Variants in CTIF observed in about 807,000 individuals in gnomAD.
The protein encoded by CTIF is CBP80/20-dependent translation initiation factor.
A neutral mutation model predicts 66.0 loss-of-function variants in CTIF; 21 were observed. The ratio of observed to expected loss-of-function variants is 0.32; its 90% CI spans 0.23 to 0.46. The LOEUF (loss-of-function observed/expected upper bound fraction) is 0.46, where lower values mean the gene tolerates loss of function less well. Ranked by LOEUF, CTIF falls within the 20% of genes least tolerant of loss-of-function variation. The pLI, the probability that CTIF is intolerant of heterozygous loss-of-function variation, is 1.00. For missense variants in CTIF, 739 were observed against 812.7 expected, an observed-to-expected ratio of 0.91 and a Z score of 1.10; for synonymous variants, 345 against 326.4, an observed-to-expected ratio of 1.06 and a Z score of -0.62.
At chr18:48,637,976 C>A (rs147560554) in intron 3 of CTIF, among the ~76,000 whole-genome samples, 117 of 152,228 alleles carry the variant, frequency 7.7e-4, no homozygotes, top group African/African-American at 2.7e-3. Context: ...GAAACTGAGT[C>A]CCACGGAGGT....
intron 9 of CTIF, among the ~76,000 whole-genome samples, chr18:48,791,301 C>A (rs889219540): frequency 1.3e-5 from 2 of 152,252 alleles, no homozygotes; most frequent in Admixed American, 6.5e-5. Context: ...GAATGGAAGA[C>A]CTAAGGCTCC....
At chr18:48,780,942 C>G (rs563130438) in intron 9 of CTIF, among the ~76,000 whole-genome samples, 30 of 152,328 alleles carry the variant, frequency 2.0e-4, no homozygotes, top group African/African-American at 7.0e-4. Context: ...CCCATCCCCT[C>G]CTAGCTGGCA....
At position 48,817,229 on chromosome 18, in the gene CTIF, C is replaced by T. The variant is rs756189401; in HGVS notation, c.1380C>T (p.Phe460=). 1.2e-6 allele frequency: 2 copies of T among 1,613,618 alleles called. No individual in the cohort carries two copies. The highest frequency in any genetic ancestry group is 3.3e-5 in the Admixed American group (2 of 60,012). Residue 460 remains phenylalanine, a synonymous_variant, in exon 10 of 12, where the codon TTC becomes TTT. Transcript: ENST00000256413. Reference sequence around the variant, plus strand: ...CTCTCATGCCTCCACAGAAGGACTTCACGGTGCGCGAGGAGCTGCAGCAGC... The same window carrying T: ...CTCTCATGCCTCCACAGAAGGACTTTACGGTGCGCGAGGAGCTGCAGCAGC... ...SLLLNMLQKD[F]TVREELQQQD...
intron 1 of CTIF, among the ~76,000 whole-genome samples, chr18:48,544,414 C>T (rs575770894): frequency 6.6e-6 from 1 of 152,330 alleles, no homozygotes; most frequent in African/African-American, 2.4e-5. Flanking sequence ...ACCCTGACTT[C>T]AGACTTCAGG....
chr18:48,720,636 C>T (rs887509658), intron 7 of CTIF, among the ~76,000 whole-genome samples: 3 of 152,172 alleles, frequency 2.0e-5, no homozygotes, highest in African/African-American at 4.8e-5. Context: ...TCCTCCCTCA[C>T]GCCCACCCCC....
intron 6 of CTIF, among the ~76,000 whole-genome samples, chr18:48,671,748 T>A (rs1175403046): frequency 6.6e-6 from 1 of 151,492 alleles, no homozygotes; most frequent in African/African-American, 2.4e-5. Context: ...GGGGTTCCAA[T>A]TGTATGTATT....
chr18:48,834,048 C>T (rs2068754158), intron 10 of CTIF, among the ~76,000 whole-genome samples: 1 of 152,274 alleles, frequency 6.6e-6, no homozygotes, highest in Middle Eastern at 3.4e-3. Context: ...CTCCCCTCCC[C>T]TCCCGTTCTC....
intron 9 of CTIF, among the ~76,000 whole-genome samples, chr18:48,773,390 A>G (rs1057106104): frequency 6.6e-6 from 1 of 152,182 alleles, no homozygotes; most frequent in African/African-American, 2.4e-5. Context: ...CTGAGCTGTG[A>G]TGGCAGGCCT....
At position 48,862,159 on chromosome 18, in the gene CTIF, A is replaced by C. The variant is rs964333265; in HGVS notation, c.*2600A>C. 9.2e-5 allele frequency: 14 copies of C among 152,076 alleles called. No individual in the cohort carries two copies. Among genetic ancestry groups the C allele is most frequent in the African/African-American group, 3.4e-4 (14 of 41,386 alleles). 9.4% of individuals were successfully genotyped at this position (152,076 alleles called of 1,614,324 possible). A position where few individuals can be genotyped will look rare whatever the true frequency, so the allele number is the denominator to read the frequency against. On this transcript the variant is annotated 3_prime_UTR_variant, in exon 12 of 12. Coordinates refer to ENST00000256413, the MANE Select transcript of CTIF (RefSeq NM_014772.3). ...ACTGCAGGACAGAAGTGGATGCCCC[A>C]CAGACCCTGGCCCCCTCCCCAAGTC... is the stretch of plus-strand genomic sequence containing the variant.
At chr18:48,766,700 C>T (rs1046500377) in intron 9 of CTIF, among the ~76,000 whole-genome samples, 4 of 152,202 alleles carry the variant, frequency 2.6e-5, no homozygotes, top group African/African-American at 9.6e-5. Context: ...CAAGAAATAC[C>T]TGCCAGGTGT....
chr18:48,674,922 A>G (rs1476060891), intron 6 of CTIF, among the ~76,000 whole-genome samples: 1 of 152,126 alleles, frequency 6.6e-6, no homozygotes, highest in Admixed American at 6.5e-5. Context: ...GTACGCTGGG[A>G]TAGGAGCTAG....
At chr18:48,697,535 G>A (rs924665959) in intron 6 of CTIF, among the ~76,000 whole-genome samples, 1 of 152,198 alleles carries the variant, frequency 6.6e-6, no homozygotes, top group East Asian at 1.9e-4. Context: ...GGAGGAGTGT[G>A]TGTTCAGGGA....
chr18:48,558,890 A>G (rs1448543962), intron 1 of CTIF, among the ~76,000 whole-genome samples: 1 of 152,254 alleles, frequency 6.6e-6, no homozygotes, highest in Non-Finnish European at 1.5e-5. Context: ...AAGTTAAGTA[A>G]GGGGTGTATT....
rs1354714701 is a variant in CTIF, at chr18:48,733,187, CTT to C, written c.584+21496_584+21497del. ...GGCACTCGGACACCTCTGTCACTAA[CTT>C]TTTCAAGTTTGTGGATTATAGATAA... On this transcript the variant is annotated intron_variant, in intron 7 of 11. Transcript: ENST00000256413. Among the ~76,000 whole-genome samples, 4 of 151,328 alleles carry C rather than the reference CTT, an allele frequency of 2.6e-5. No homozygotes were observed. In the East Asian group the frequency reaches 7.8e-4, roughly 29 times the overall value.
In CTIF at chr18:48,706,517, A is replaced by G. The variant is rs547552176; in HGVS notation, c.508-5102A>G. Among the ~76,000 whole-genome samples, 4 of 151,984 alleles carry G rather than the reference A, an allele frequency of 2.6e-5. No individual in the cohort carries two copies. In the South Asian group the frequency reaches 6.2e-4, roughly 24 times the overall value. On this transcript the variant is annotated intron_variant, in intron 6 of 11. Coordinates refer to ENST00000256413, the MANE Select transcript of CTIF (RefSeq NM_014772.3). ...CAGATTCAAGAATTATTATTTTTTT[A>G]TGGCTGTCATCACAGGGCAAGGCCT...
At chr18:48,556,525 G>C (rs2089025801) in intron 1 of CTIF, among the ~76,000 whole-genome samples, 1 of 152,174 alleles carries the variant, frequency 6.6e-6, no homozygotes, top group South Asian at 2.1e-4. Context: ...CTGGAGTGCT[G>C]AGAACTGGCT....
chr18:48,747,206 C>T (rs1005346141), intron 7 of CTIF, among the ~76,000 whole-genome samples: 13 of 152,304 alleles, frequency 8.5e-5, no homozygotes, highest in South Asian at 2.1e-4. Flanking sequence ...ATTCTTCATT[C>T]GTTAGCTCAA....
intron 9 of CTIF, among the ~76,000 whole-genome samples, chr18:48,772,535 A>G (rs1297071419): frequency 1.3e-5 from 2 of 151,978 alleles, no homozygotes; most frequent in Non-Finnish European, 2.9e-5. Flanking sequence ...CCTCCCCTCC[A>G]TCTTCCATCT....
intron 6 of CTIF, among the ~76,000 whole-genome samples, chr18:48,677,044 G>A (rs2091642301): frequency 6.6e-6 from 1 of 152,236 alleles, no homozygotes; most frequent in East Asian, 1.9e-4. Flanking sequence ...TGGGGTTGAA[G>A]CCTCTGTAGC....
Sources: allele counts gnomAD v4.1 joint callset (sites outside exome capture counted in the v4.1 genomes callset), GRCh38; gene constraint gnomAD v4.1.1; transcripts MANE v1.5; gene names NCBI Gene and HGNC (gene_info 2026-07-23, HGNC 2026-07-21).